Variants in SUN3 observed in about 807,000 individuals in gnomAD.
The protein encoded by SUN3 is SUN domain-containing protein 3.
In SUN3, 36 loss-of-function variants were observed where a neutral mutation model predicts 48.2. The ratio of observed to expected loss-of-function variants is 0.75; its 90% CI spans 0.57 to 0.99. SUN3 has a LOEUF of 0.99. Among genes scored for constraint, SUN3 ranks in the 50% least tolerant of loss-of-function variants. SUN3 has a pLI of 0.00. For missense variants in SUN3, 419 were observed against 433.1 expected, an observed-to-expected ratio of 0.97 and a Z score of 0.29; for synonymous variants, 148 against 147.9, an observed-to-expected ratio of 1.00 and a Z score of 0.00.
At position 47,999,065 on chromosome 7, in the gene SUN3, A is replaced by G. The variant is rs113927808; in HGVS notation, c.578-2919T>C. Among the ~76,000 whole-genome samples the G allele has an allele frequency of 3.0e-3, 455 of 152,350 alleles. 6 individuals are homozygous for G. Among genetic ancestry groups the G allele is most frequent in the African/African-American group, 0.01 (424 of 41,586 alleles). ...CTGGGATTTTAATTAGGATTATATTAAATCCATAGAAAAGTTGGACAGTAT... is the reference window on the plus strand; with the variant it reads ...CTGGGATTTTAATTAGGATTATATTGAATCCATAGAAAAGTTGGACAGTAT... On this transcript the variant is annotated intron_variant, in intron 6 of 9. Transcript: ENST00000297325.
At chr7:47,987,513 A>T in intron 9 of SUN3, 64 bp from the exon 10 acceptor site, 1 of 1,386,356 alleles carries the variant, frequency 7.2e-7, no homozygotes. Context: ...ATCCCAATGA[A>T]TACTGATATA....
At chr7:48,021,465 A>G (rs897772509) in intron 2 of SUN3, among the ~76,000 whole-genome samples, 8 of 152,084 alleles carry the variant, frequency 5.3e-5, no homozygotes, top group Non-Finnish European at 1.0e-4. Context: ...CAAAGTGAAG[A>G]GACAACCCAC....
In SUN3 at chr7:48,029,048, T is replaced by A; in HGVS notation, c.-110A>T. The A allele has an allele frequency of 6.8e-7, 1 of 1,480,388 alleles. No individual in the cohort carries two copies. Among genetic ancestry groups the A allele is most frequent in the Non-Finnish European group, 9.1e-7 (1 of 1,094,966 alleles). 91.7% of individuals were successfully genotyped at this position (1,480,388 alleles called of 1,614,324 possible). On this transcript the variant is annotated 5_prime_UTR_variant, in exon 1 of 10. Coordinates refer to ENST00000297325, the MANE Select transcript of SUN3 (RefSeq NM_001030019.2). Reference sequence around the variant, plus strand: ...ACATACAGTTTCTAAATTTGTTTTGTATAATGTCTTCTTCCTCCACGGGTG... The same window carrying A: ...ACATACAGTTTCTAAATTTGTTTTGAATAATGTCTTCTTCCTCCACGGGTG...
the SUN3 span, among the ~76,000 whole-genome samples, chr7:48,034,396 G>T: frequency 6.6e-6 from 1 of 152,102 alleles, no homozygotes; most frequent in African/African-American, 2.4e-5. Flanking sequence ...ACAGACTCAT[G>T]TTCAGTTCAA....
chr7:47,993,308 A>G (rs1294058287), intron 8 of SUN3, among the ~76,000 whole-genome samples: 1 of 152,198 alleles, frequency 6.6e-6, no homozygotes, highest in Non-Finnish European at 1.5e-5. Context: ...TCTTAGGTAT[A>G]CACCCAAGGA....
chr7:48,010,229 A>G (rs145595700), intron 3 of SUN3, among the ~76,000 whole-genome samples: 1 of 152,268 alleles, frequency 6.6e-6, no homozygotes, highest in African/African-American at 2.4e-5. Context: ...GAAGGTCAAT[A>G]ATATTACCAA....
intron 3 of SUN3, 60 bp from the exon 4 acceptor site, chr7:48,009,135 T>G: frequency 3.3e-6 from 5 of 1,529,212 alleles, no homozygotes; most frequent in Non-Finnish European, 4.5e-6. Flanking sequence ...TAGAGTCTTT[T>G]TTTTTTCTCA....
At position 47,987,372 on chromosome 7, in the gene SUN3, T is replaced by A; in HGVS notation, c.1032A>T (p.Leu344Phe). ...GTGTGCCATGGACCCTGAATCGATA[T>A]AAACAAGTATACTTCGGGTGTCCCC... is the stretch of plus-strand genomic sequence containing the variant. ...SNWGHPKYTC[L>F]YRFRVHGTPG... Residue 344 changes from leucine (L) to phenylalanine (F), a missense_variant, in exon 10 of 10, where the codon TTA becomes TTT. Physicochemically the swap from Leu to Phe is conservative, Grantham distance 22. Coordinates refer to ENST00000297325, the MANE Select transcript of SUN3 (RefSeq NM_001030019.2). The A allele has an allele frequency of 6.2e-7, 1 of 1,612,310 alleles. No individual in the cohort carries two copies. Among genetic ancestry groups the A allele is most frequent in the Non-Finnish European group, 8.5e-7 (1 of 1,178,908 alleles).
intron 8 of SUN3, among the ~76,000 whole-genome samples, chr7:47,989,502 A>G (rs1788992925): frequency 1.3e-5 from 2 of 152,216 alleles, no homozygotes; most frequent in Non-Finnish European, 2.9e-5. Flanking sequence ...GGTGCAAACT[A>G]ATTTATTTTG....
chr7:48,015,407 A>G (rs948564133), intron 3 of SUN3, among the ~76,000 whole-genome samples: 2 of 151,948 alleles, frequency 1.3e-5, no homozygotes, highest in Non-Finnish European at 2.9e-5. Context: ...CAACCTATGA[A>G]CCTCCAGGGA....
intron 2 of SUN3, among the ~76,000 whole-genome samples, chr7:48,022,940 C>T (rs1255895720): frequency 1.3e-5 from 2 of 151,982 alleles, no homozygotes; most frequent in Non-Finnish European, 2.9e-5. Flanking sequence ...AAAAAATTAA[C>T]ATATTCTAAG....
At chr7:48,026,053 T>C (rs990492730) in intron 1 of SUN3, 115 bp from the exon 2 acceptor site, 9 of 697,640 alleles carry the variant, frequency 1.3e-5, no homozygotes, top group Non-Finnish European at 2.2e-5. Flanking sequence ...TCTTGCTTAA[T>C]CTAGGTTGAG....
the SUN3 span, among the ~76,000 whole-genome samples, chr7:48,034,575 T>C: frequency 6.6e-6 from 1 of 152,208 alleles, no homozygotes; most frequent in East Asian, 1.9e-4. Context: ...TACCACCGGG[T>C]AAGTAGCCCT....
chr7:48,028,052 C>A (rs1343098521), intron 1 of SUN3, among the ~76,000 whole-genome samples: 3 of 152,276 alleles, frequency 2.0e-5, no homozygotes, highest in Middle Eastern at 3.4e-3. Context: ...TTCACCCAGC[C>A]AGTGGGATTC....
intron 6 of SUN3, among the ~76,000 whole-genome samples, chr7:47,998,579 T>C (rs1363151839): frequency 6.6e-6 from 1 of 152,194 alleles, no homozygotes; most frequent in African/African-American, 2.4e-5. Context: ...TTATCCATTA[T>C]TTTCCTTTTA....
At chr7:47,991,758 C>T (rs552914258) in intron 8 of SUN3, among the ~76,000 whole-genome samples, 140 of 152,100 alleles carry the variant, frequency 9.2e-4, no homozygotes, top group Admixed American at 1.8e-3. Flanking sequence ...CCAGGAAGGC[C>T]GGAGGAGGGT....
chr7:48,003,225 G>T (rs1029542337), intron 6 of SUN3, among the ~76,000 whole-genome samples: 3 of 152,168 alleles, frequency 2.0e-5, no homozygotes, highest in African/African-American at 7.2e-5. Flanking sequence ...TTAGATAGTT[G>T]TAAGTGTGTG....
At chr7:47,988,907 A>C (rs923444376) in intron 8 of SUN3, 27 bp from the exon 9 acceptor site, 22 of 1,295,984 alleles carry the variant, frequency 1.7e-5, no homozygotes, top group Non-Finnish European at 2.4e-5. Flanking sequence ...AGATATAGAG[A>C]TTGTAATGAA....
chr7:48,035,530 G>A, the SUN3 span: 2 of 697,686 alleles, frequency 2.9e-6, no homozygotes, highest in South Asian at 1.5e-5. The surrounding 1 kb of genome is among the most constrained non-coding windows in gnomAD (Gnocchi z 4.0). Flanking sequence ...GTTCCGCGGC[G>A]CGCTGGGAGT....
Sources: allele counts gnomAD v4.1 joint callset (sites outside exome capture counted in the v4.1 genomes callset), GRCh38; gene constraint gnomAD v4.1.1; non-coding constraint Gnocchi (gnomAD v3.1); transcripts MANE v1.5; gene names NCBI Gene and HGNC (gene_info 2026-07-23, HGNC 2026-07-21).